PPFIBP1: variants seen among roughly 807,000 people sequenced by gnomAD.
PPFIBP1 encodes liprin-beta-1.
Under a neutral mutation model 137.8 loss-of-function variants are expected in PPFIBP1, and 112 were observed. The ratio of observed to expected loss-of-function variants is 0.81; its 90% CI spans 0.70 to 0.95. The LOEUF is 0.95. Ranked by LOEUF, PPFIBP1 falls within the 40% of genes least tolerant of loss-of-function variation. The pLI is 0.00. For missense variants in PPFIBP1, 1,083 were observed against 1,196.6 expected (o/e 0.91, Z 1.40); for synonymous variants, 378 against 417.3 (o/e 0.91, Z 1.15).
At chr12:27,676,743 A>C in intron 18 of PPFIBP1, 144 bp downstream of exon 18, 1 of 831,852 alleles carries the variant, frequency 1.2e-6, no homozygotes, top group Middle Eastern at 2.9e-4. Flanking sequence ...TTTAGCAAAA[A>C]ATGCCTCCGT....
intron 1 of PPFIBP1, among the ~76,000 whole-genome samples, chr12:27,533,437 C>A (rs1944623248): frequency 6.6e-6 from 1 of 152,132 alleles, no homozygotes; most frequent in South Asian, 2.1e-4. Context: ...ATCTGAGGCA[C>A]AAGGAGGCTA....
At chr12:27,602,994 C>T (rs1254141020) in intron 2 of PPFIBP1, among the ~76,000 whole-genome samples, 1 of 152,122 alleles carries the variant, frequency 6.6e-6, no homozygotes, top group Admixed American at 6.6e-5. Context: ...TCAAATTGTT[C>T]GTATAGCTGC....
Position 27,671,082 on chromosome 12 carries a change from T to C in PPFIBP1, c.1147-349T>C, listed in dbSNP as rs368678003. Among the ~76,000 whole-genome samples the C allele has an allele frequency of 4.0e-5, 6 of 151,888 alleles. No homozygotes were observed. The East Asian group carries it at 5.8e-4, about 15-fold the overall frequency. On this transcript the variant is annotated intron_variant, in intron 13 of 29. Transcript: ENST00000228425. ...TACTCAGGAGGCTACGGCAGGAGAC[T>C]GCTTGAGCCGAGGAGTTCAAGACCA... is the stretch of plus-strand genomic sequence containing the variant.
At chr12:27,625,497 C>A (rs1432399439) in intron 2 of PPFIBP1, among the ~76,000 whole-genome samples, 2 of 151,274 alleles carry the variant, frequency 1.3e-5, no homozygotes, top group African/African-American at 4.9e-5. Flanking sequence ...CTTAGAATGA[C>A]AGTAAGTCCT....
At chr12:27,593,676 T>C in intron 2 of PPFIBP1, 2 of 559,508 alleles carry the variant, frequency 3.6e-6, no homozygotes, top group Non-Finnish European at 3.2e-6. Context: ...TTTTGTCCTC[T>C]CTTTTGGGAA....
intron 22 of PPFIBP1, among the ~76,000 whole-genome samples, chr12:27,682,035 GA>G (rs11422827): frequency 6.8e-5 from 10 of 146,422 alleles, no homozygotes; most frequent in African/African-American, 2.2e-4. Flanking sequence ...CTTTGCAAAA[GA>G]AAAAAAAAAA....
At chr12:27,611,785 GCTCTCTCTCTCTCT>G (rs10549025) in intron 2 of PPFIBP1, among the ~76,000 whole-genome samples, 13 of 138,032 alleles carry the variant, frequency 9.4e-5, no homozygotes, top group African/African-American at 3.1e-4. Flanking sequence ...TCAACACTGT[GCTCTCTCTCTCTCT>G]CTCTCTCTCT....
At chr12:27,554,430 C>T (rs1232753694) in intron 1 of PPFIBP1, among the ~76,000 whole-genome samples, 1 of 152,192 alleles carries the variant, frequency 6.6e-6, no homozygotes, top group Non-Finnish European at 1.5e-5. Flanking sequence ...TTGGGAGTTG[C>T]GGTTGAAACC....
At chr12:27,629,473 A>T (rs2057110146) in intron 2 of PPFIBP1, among the ~76,000 whole-genome samples, 1 of 152,120 alleles carries the variant, frequency 6.6e-6, no homozygotes, top group South Asian at 2.1e-4. Flanking sequence ...CTGTTCTTGA[A>T]TTTCATATAA....
At chr12:27,553,204 C>T (rs1052862550) in intron 1 of PPFIBP1, among the ~76,000 whole-genome samples, 19 of 152,112 alleles carry the variant, frequency 1.2e-4, no homozygotes, top group African/African-American at 2.9e-4. Flanking sequence ...AAAATAAAGA[C>T]GAACTCAAGC....
intron 13 of PPFIBP1, among the ~76,000 whole-genome samples, chr12:27,670,784 A>AT (rs59567133): frequency 0.97 from 134,970 of 139,308 alleles, 65,393 homozygotes; most frequent in South Asian, 0.98. Context: ...GTCTCAAAAA[A>AT]AAAAAAAAAA....
chr12:27,543,991 C>T (rs1218677765), intron 1 of PPFIBP1, among the ~76,000 whole-genome samples: 7 of 151,714 alleles, frequency 4.6e-5, no homozygotes, highest in Admixed American at 4.6e-4. Flanking sequence ...GCTATCCTCC[C>T]ACCTAAGCCT....
At chr12:27,546,805 G>C (rs1389331055) in intron 1 of PPFIBP1, among the ~76,000 whole-genome samples, 1 of 152,128 alleles carries the variant, frequency 6.6e-6, no homozygotes, top group Non-Finnish European at 1.5e-5. Flanking sequence ...CTTGAGCCCA[G>C]GAGTTCGAGA....
At chr12:27,668,224 C>A (rs79178508) in intron 13 of PPFIBP1, among the ~76,000 whole-genome samples, 1 of 152,204 alleles carries the variant, frequency 6.6e-6, no homozygotes, top group Admixed American at 6.5e-5. Context: ...CAGACCAGGT[C>A]GAGATGTGGG....
intron 2 of PPFIBP1, among the ~76,000 whole-genome samples, chr12:27,616,676 G>T (rs1232976405): frequency 6.6e-6 from 1 of 152,202 alleles, no homozygotes; most frequent in Non-Finnish European, 1.5e-5. Flanking sequence ...TGAAAGCTTG[G>T]CATGAGATCA....
chr12:27,611,399 T>C (rs2055093138), intron 2 of PPFIBP1, among the ~76,000 whole-genome samples: 1 of 152,180 alleles, frequency 6.6e-6, no homozygotes, highest in African/African-American at 2.4e-5. Flanking sequence ...CACATATTTC[T>C]GTGTCCAAAT....
intron 13 of PPFIBP1, among the ~76,000 whole-genome samples, chr12:27,668,898 G>A (rs999815644): frequency 6.6e-6 from 1 of 152,070 alleles, no homozygotes; most frequent in African/African-American, 2.4e-5. Flanking sequence ...GGGTTTTACA[G>A]CCACATCCTT....
At chr12:27,595,886 A>AATAT (rs201970397) in intron 2 of PPFIBP1, among the ~76,000 whole-genome samples, 55 of 102,456 alleles carry the variant, frequency 5.4e-4, no homozygotes, top group Non-Finnish European at 9.7e-4. Context: ...ACAACAACAA[A>AATAT]ATATATATAT....
At position 27,689,140 on chromosome 12, in the gene PPFIBP1, C is replaced by G. The variant is rs1357440703; in HGVS notation, c.2622C>G (p.His874Gln). The G allele has an allele frequency of 2.5e-6, 4 of 1,596,024 alleles. No individual in the cohort carries two copies. Among genetic ancestry groups the G allele is most frequent in the Non-Finnish European group, 3.4e-6 (4 of 1,175,512 alleles). ...FNLLIGAEAQ[H>Q]QKRDAMELPD... is the part of the protein sequence containing the mutation. ...TTCTGATTGGGGCTGAGGCACAGCACCAGAAGCGAGATGCCATGGAGCTGC... is the reference window on the plus strand; with the variant it reads ...TTCTGATTGGGGCTGAGGCACAGCAGCAGAAGCGAGATGCCATGGAGCTGC... Residue 874 changes from histidine (H) to glutamine (Q), a missense_variant, in exon 27 of 30, where the codon CAC becomes CAG. Physicochemically the swap from His to Gln is conservative, Grantham distance 24. Coordinates refer to ENST00000228425, the MANE Select transcript of PPFIBP1 (RefSeq NM_003622.4).
Sources: allele counts gnomAD v4.1 joint callset (sites outside exome capture counted in the v4.1 genomes callset), GRCh38; gene constraint gnomAD v4.1.1; transcripts MANE v1.5; gene names NCBI Gene and HGNC (gene_info 2026-07-23, HGNC 2026-07-21).